DNAAF9: variants seen among roughly 807,000 people sequenced by gnomAD.
DNAAF9 encodes the protein shulin.
DNAAF9 carries 90 observed loss-of-function variants against 167.0 expected under a neutral mutation model. The observed-to-expected ratio is 0.54, with a 90% CI of 0.45 to 0.64. DNAAF9 has a LOEUF of 0.64. Ranked by LOEUF, DNAAF9 falls within the 30% of genes least tolerant of loss-of-function variation. The probability of loss-of-function intolerance (pLI) is 0.00; values close to 1 mark genes in which losing one functional copy is unlikely to be tolerated. For missense variants in DNAAF9, 1,315 were observed against 1,442.2 expected (o/e 0.91, Z 1.43); for synonymous variants, 491 against 508.8 (o/e 0.96, Z 0.47).
chr20:3,260,329 G>C (rs906223679), intron 31 of DNAAF9, among the ~76,000 whole-genome samples: 3 of 152,008 alleles, frequency 2.0e-5, no homozygotes, highest in Admixed American at 1.3e-4. Context: ...CTGGGCGACA[G>C]AGCAAGACTC....
intron 32 of DNAAF9, 93 bp from the exon 33 acceptor site, chr20:3,259,647 A>T: frequency 4.6e-6 from 4 of 876,132 alleles, no homozygotes; most frequent in Non-Finnish European, 7.8e-6. Context: ...CTGGGGAGGG[A>T]CCATACACCA....
At chr20:3,394,993 A>G (rs1600922617) in intron 1 of DNAAF9, among the ~76,000 whole-genome samples, 1 of 88,296 alleles carries the variant, frequency 1.1e-5, no homozygotes. Context: ...TTTGAGACGG[A>G]GTTTCGCTCT....
chr20:3,336,252 G>GTTTTTTTTTTTTT lies in DNAAF9; in HGVS notation c.982-3892_982-3891insAAAAAAAAAAAAA, dbSNP rs1178750984. Among the ~76,000 whole-genome samples the GTTTTTTTTTTTTT allele has an allele frequency of 7.0e-4, 57 of 81,368 alleles. 5 individuals are homozygous for GTTTTTTTTTTTTT. The highest frequency in any genetic ancestry group is 1.8e-3 in the African/African-American group (35 of 19,636). 53.4% of individuals were successfully genotyped at this position (81,368 alleles called of 152,430 possible). A position where few individuals can be genotyped will look rare whatever the true frequency, so the allele number is the denominator to read the frequency against. ...TGATTTTGCAGATTCACAGTTTTGC[G>GTTTTTTTTTTTTT]TTTTTGTTTTTTTTTTTTTTTTTGC... On this transcript the variant is annotated intron_variant, in intron 10 of 36. Transcript: ENST00000252032.
intron 28 of DNAAF9, among the ~76,000 whole-genome samples, 153 bp from the exon 29 acceptor site, chr20:3,279,102 G>C (rs1199977090): frequency 6.6e-6 from 1 of 152,154 alleles, no homozygotes. Context: ...ATAGCCATGG[G>C]ACTTTACAGC....
intron 1 of DNAAF9, 53 bp downstream of exon 1, chr20:3,407,422 G>T (rs1396511368): frequency 1.5e-5 from 19 of 1,255,302 alleles, no homozygotes; most frequent in South Asian, 2.7e-5. Flanking sequence ...GCCGGACCCC[G>T]ACAGCCCGCA....
intron 25 of DNAAF9, among the ~76,000 whole-genome samples, chr20:3,293,291 T>TAA (rs2068997278): frequency 1.2e-4 from 1 of 8,542 alleles, no homozygotes; most frequent in East Asian, 9.1e-3. Flanking sequence ...AGACTCCGTC[T>TAA]CAAAAAAAAA....
intron 25 of DNAAF9, among the ~76,000 whole-genome samples, chr20:3,292,385 C>T (rs1392259280): frequency 6.6e-6 from 1 of 152,226 alleles, no homozygotes; most frequent in Non-Finnish European, 1.5e-5. Flanking sequence ...AATGACGTTT[C>T]TCATTGCTTA....
intron 10 of DNAAF9, among the ~76,000 whole-genome samples, chr20:3,335,757 CAAAAAA>C (rs151182468): frequency 2.0e-5 from 2 of 98,212 alleles, no homozygotes; most frequent in Non-Finnish European, 1.9e-5. Flanking sequence ...AACTCCGTCT[CAAAAAA>C]AAAAAAAAAA....
intron 18 of DNAAF9, among the ~76,000 whole-genome samples, chr20:3,316,302 T>C (rs2069498839): frequency 6.6e-6 from 1 of 152,126 alleles, no homozygotes; most frequent in Non-Finnish European, 1.5e-5. Context: ...CTGCGGAAGA[T>C]GGGACTTTTC....
At chr20:3,358,266 T>C (rs2083315746) in intron 7 of DNAAF9, among the ~76,000 whole-genome samples, 1 of 151,884 alleles carries the variant, frequency 6.6e-6, no homozygotes, top group South Asian at 2.1e-4. Flanking sequence ...GTGGGACAAT[T>C]TTCTCTGGGG....
chr20:3,404,185 A>C (rs947930341), intron 1 of DNAAF9, among the ~76,000 whole-genome samples: 1 of 152,166 alleles, frequency 6.6e-6, no homozygotes, highest in Non-Finnish European at 1.5e-5. Context: ...GCCTGCCACC[A>C]TGCCCAGCTA....
chr20:3,306,171 T>C (rs1413128313), intron 20 of DNAAF9, among the ~76,000 whole-genome samples: 1 of 151,390 alleles, frequency 6.6e-6, no homozygotes, highest in African/African-American at 2.5e-5. Flanking sequence ...GCAGTAAAGC[T>C]GCACCCAGAA....
At chr20:3,357,556 T>G (rs2083304187) in intron 7 of DNAAF9, among the ~76,000 whole-genome samples, 1 of 152,218 alleles carries the variant, frequency 6.6e-6, no homozygotes, top group Non-Finnish European at 1.5e-5. Flanking sequence ...CTCAATTTTC[T>G]TAATCTCTGA....
chr20:3,280,360 C>T (rs6037529), intron 28 of DNAAF9, among the ~76,000 whole-genome samples: 31,233 of 151,750 alleles, frequency 0.21, 3,516 homozygotes, highest in African/African-American at 0.28. Flanking sequence ...GTTGGAAGTT[C>T]GAGACCAGCC....
chr20:3,389,809 G>A (rs991240055), intron 1 of DNAAF9, among the ~76,000 whole-genome samples: 1 of 152,154 alleles, frequency 6.6e-6, no homozygotes, highest in Non-Finnish European at 1.5e-5. Context: ...GCCAAGGCGG[G>A]AGGATTGCCT....
chr20:3,269,006 C>T (rs1444561809), intron 30 of DNAAF9, among the ~76,000 whole-genome samples: 1 of 145,682 alleles, frequency 6.9e-6, no homozygotes, highest in Admixed American at 7.4e-5. Flanking sequence ...CAGGTTCACG[C>T]CGTTCTCCTC....
rs192220031 is a variant in DNAAF9, at chr20:3,406,102, C to T, written c.83+1373G>A. Among the ~76,000 whole-genome samples the T allele has an allele frequency of 5.8e-4, 88 of 152,312 alleles. No homozygotes were observed. In the East Asian group the frequency reaches 0.011, roughly 19 times the overall value. ...CAATGTTTCATTGGTATCTACCCCC[C>T]ACCTTCTCTATCCTTTATTTGTTCA... is the stretch of plus-strand genomic sequence containing the variant. On this transcript the variant is annotated intron_variant, in intron 1 of 36. Coordinates refer to ENST00000252032, the MANE Select transcript of DNAAF9 (RefSeq NM_001009984.3).
intron 30 of DNAAF9, among the ~76,000 whole-genome samples, chr20:3,265,471 G>A (rs2122775613): frequency 6.7e-6 from 1 of 150,318 alleles, no homozygotes; most frequent in South Asian, 2.1e-4. Flanking sequence ...GGAGGCCGAG[G>A]CAGGAGAATC....
Position 3,259,817 on chromosome 20 carries a change from G to A in DNAAF9, c.2980+105C>T, listed in dbSNP as rs960148513. 25 of 747,870 alleles carry A rather than the reference G, an allele frequency of 3.3e-5. No homozygotes were observed. The South Asian group carries it at 3.8e-4, about 11-fold the overall frequency. The allele number at this position is 747,870 out of a possible 1,614,324, so 46.3% of individuals were successfully genotyped here. On this transcript the variant is annotated intron_variant, in intron 32 of 36. Coordinates refer to ENST00000252032, the MANE Select transcript of DNAAF9 (RefSeq NM_001009984.3). ...CTCTGTCTACTTTTGGTTTCAAAAG[G>A]TAAGAAGACATACAGCACATAGAAT... is the stretch of plus-strand genomic sequence containing the variant.
Sources: gnomAD v4.1 joint callset for allele counts (sites outside exome capture counted in the v4.1 genomes callset) on GRCh38, gnomAD v4.1.1 for gene constraint, MANE v1.5 for transcripts, NCBI Gene and HGNC (gene_info 2026-07-23, HGNC 2026-07-21) for gene names.